ZMYM2: variants seen among roughly 807,000 people sequenced by gnomAD.
ZMYM2 encodes zinc finger MYM-type containing 2.
In ZMYM2, 56 loss-of-function variants were observed where a neutral mutation model predicts 162.8. The observed-to-expected ratio is 0.34, with a 90% confidence interval of 0.28 to 0.43. ZMYM2 has a LOEUF of 0.43. ZMYM2 is among the 20% of genes least tolerant of loss of function. ZMYM2 has a pLI of 1.00. For synonymous variants in ZMYM2, 510 were observed against 541.6 expected, an observed-to-expected ratio of 0.94 and a Z score of 0.81; for missense variants, 1,275 against 1,621.8, an observed-to-expected ratio of 0.79 and a Z score of 3.67.
chr13:20,068,702 T>G (rs1207355658), intron 21 of ZMYM2, among the ~76,000 whole-genome samples: 1 of 152,156 alleles, frequency 6.6e-6, no homozygotes, highest in Middle Eastern at 3.2e-3. Flanking sequence ...GTCTTGGTCC[T>G]CTAGTTTCAG....
chr13:19,867,693 T>C, the ZMYM2 span, among the ~76,000 whole-genome samples: 2 of 152,078 alleles, frequency 1.3e-5, no homozygotes, highest in Admixed American at 6.6e-5. Flanking sequence ...TGGCGCAGTC[T>C]TGGATCACTG....
rs575269759 is a variant in ZMYM2 at position 19,978,473 on chromosome 13, A to G, written c.-10-14590A>G. On this transcript the variant is annotated intron_variant, in intron 2 of 24. Transcript: ENST00000610343. ...CTCTTGTTGCCCAGGCTGGAGGGCA[A>G]TGGTGCAATCTTGGCTCACCACAAC... Among the ~76,000 whole-genome samples, 245 of 151,950 alleles carry G rather than the reference A, an allele frequency of 1.6e-3. 1 individual carries two copies. Among genetic ancestry groups the G allele is most frequent in the African/African-American group, 5.6e-3 (233 of 41,448 alleles).
the ZMYM2 span, among the ~76,000 whole-genome samples, chr13:19,878,478 G>A: frequency 6.8e-6 from 1 of 147,212 alleles, no homozygotes; most frequent in Non-Finnish European, 1.5e-5. Flanking sequence ...TGGCATTCAT[G>A]TATCTTGTTT....
In ZMYM2 at chr13:19,998,139, G is replaced by A. The variant is rs1464926311; in HGVS notation, c.847+4220G>A. Among the ~76,000 whole-genome samples the A allele has an allele frequency of 2.0e-5, 3 of 152,136 alleles. No individual in the cohort carries two copies. In the East Asian group the frequency reaches 5.8e-4, roughly 29 times the overall value. ...TTATTTGTAATAGAGAATAATGGAT[G>A]AAGAGCTATAAAATCTTGGCTATTT... On this transcript the variant is annotated intron_variant, in intron 3 of 24. Coordinates refer to ENST00000610343, the MANE Select transcript of ZMYM2 (RefSeq NM_197968.4).
chr13:20,003,600 C>CCT (rs764627816), intron 4 of ZMYM2, among the ~76,000 whole-genome samples: 172 of 151,748 alleles, frequency 1.1e-3, no homozygotes, highest in Non-Finnish European at 2.1e-3. Flanking sequence ...AAGGCAGGAT[C>CCT]CTCTCTTCTA....
chr13:19,984,064 G>A (rs536085330), intron 2 of ZMYM2, among the ~76,000 whole-genome samples: 7 of 152,232 alleles, frequency 4.6e-5, no homozygotes, highest in African/African-American at 1.7e-4. Context: ...ATTCTTTAAC[G>A]ATACTTAGAA....
At chr13:19,868,175 CA>C in the ZMYM2 span, among the ~76,000 whole-genome samples, 1 of 152,196 alleles carries the variant, frequency 6.6e-6, no homozygotes, top group Non-Finnish European at 1.5e-5. Context: ...TCTTTCTCTC[CA>C]AATAAAATGT....
chr13:19,964,151 T>C (rs937610262), intron 2 of ZMYM2, among the ~76,000 whole-genome samples: 1 of 150,274 alleles, frequency 6.7e-6, no homozygotes. Flanking sequence ...CTGAGGCGGG[T>C]GGATCACCTG....
rs556096245 is a variant in ZMYM2, at chr13:20,035,025, T to C, written c.2119+621T>C. 9.2e-5 allele frequency among the ~76,000 whole-genome samples: 14 copies of C among 152,350 alleles called. 1 individual carries two copies. Among genetic ancestry groups the C allele is most frequent in the African/African-American group, 3.4e-4 (14 of 41,586 alleles). On this transcript the variant is annotated intron_variant, in intron 11 of 24. Coordinates refer to ENST00000610343, the MANE Select transcript of ZMYM2 (RefSeq NM_197968.4). ...AGCTATGGGTTTTGGGGTTGTGTTATTCCTGTTCCCAATGTGACATTCTTG... is the reference window on the plus strand; with the variant it reads ...AGCTATGGGTTTTGGGGTTGTGTTACTCCTGTTCCCAATGTGACATTCTTG...
intron 3 of ZMYM2, among the ~76,000 whole-genome samples, chr13:19,998,034 C>G (rs1330903870): frequency 6.6e-6 from 1 of 152,130 alleles, no homozygotes; most frequent in East Asian, 1.9e-4. Flanking sequence ...TTCCTGTTTA[C>G]TCAAACTCTG....
chr13:19,937,772 G>A, the ZMYM2 span, among the ~76,000 whole-genome samples: 899 of 143,898 alleles, frequency 6.2e-3, 2 homozygotes, highest in Middle Eastern at 0.01. Context: ...ATATCTCCTA[G>A]TGCTATCCCT....
chr13:19,927,611 T>C, the ZMYM2 span, among the ~76,000 whole-genome samples: 1 of 152,352 alleles, frequency 6.6e-6, no homozygotes, highest in African/African-American at 2.4e-5. Context: ...TTGAATATTC[T>C]TGTAGTCTTT....
In ZMYM2 at chr13:20,066,295, C is replaced by G. The variant is rs1421468607; in HGVS notation, c.3133-556C>G. Among the ~76,000 whole-genome samples the G allele has an allele frequency of 2.6e-5, 4 of 152,062 alleles. No homozygotes were observed. In the South Asian group the frequency reaches 8.3e-4, roughly 32 times the overall value. ...GGCTCTGATCCCCCCTGCACAGTCA[C>G]AAATTTGTGTATAACTTTTGACTCC... On this transcript the variant is annotated intron_variant, in intron 19 of 24. Transcript: ENST00000610343.
chr13:20,036,774 T>C lies in ZMYM2; in HGVS notation c.2157T>C (p.Arg719=). 2 of 1,591,492 alleles carry C rather than the reference T, an allele frequency of 1.3e-6. No individual in the cohort carries two copies. Among genetic ancestry groups the C allele is most frequent in the Non-Finnish European group, 1.7e-6 (2 of 1,168,978 alleles). Residue 719 remains arginine (R), a synonymous_variant, in exon 12 of 25, where the codon CGT becomes CGC. Coordinates refer to ENST00000610343, the MANE Select transcript of ZMYM2 (RefSeq NM_197968.4). ...KLLYKQDFAR[R]LGLRCVTCNY... Reference sequence around the variant, plus strand: ...TATACAAACAGGATTTTGCCAGACGTTTAGGATTGAGATGTGTTACTTGCA... The same window carrying C: ...TATACAAACAGGATTTTGCCAGACGCTTAGGATTGAGATGTGTTACTTGCA...
intron 12 of ZMYM2, among the ~76,000 whole-genome samples, chr13:20,039,648 G>T (rs1954055491): frequency 6.6e-6 from 1 of 151,704 alleles, no homozygotes; most frequent in African/African-American, 2.4e-5. Flanking sequence ...TAATTTTTTT[G>T]TGTGTTTTTA....
At position 19,962,513 on chromosome 13, in the gene ZMYM2, ATATTTTTTTTTTT is replaced by A. The variant is rs1337434198; in HGVS notation, c.-11+2489_-11+2501del. 1.2e-4 allele frequency among the ~76,000 whole-genome samples: 7 copies of A among 59,098 alleles called. No homozygotes were observed. In the East Asian group the frequency reaches 3.6e-3, roughly 31 times the overall value. 38.8% of individuals were successfully genotyped at this position (59,098 alleles called of 152,430 possible). On this transcript the variant is annotated intron_variant, in intron 2 of 24. Transcript: ENST00000610343. ...TTGCATGGGATATATATATATATAT[ATATTTTTTTTTTT>A]TTTTTTTTTTTTTTTGAGATGGAGT...
chr13:20,020,077 TC>T (rs1425275350), intron 7 of ZMYM2: 1 of 154,698 alleles, frequency 6.5e-6, no homozygotes, highest in Admixed American at 6.4e-5. Flanking sequence ...AGTACAGTTA[TC>T]AAGATAATGA....
chr13:19,993,997 G>A lies in ZMYM2; in HGVS notation c.847+78G>A, dbSNP rs1394481775. 2.7e-6 allele frequency: 4 copies of A among 1,456,446 alleles called. No homozygotes were observed. The African/African-American group carries it at 4.3e-5, about 16-fold the overall frequency. The allele number at this position is 1,456,446 out of a possible 1,614,324, so 90.2% of individuals were successfully genotyped here. ...GCTGCTTTTTTCATTGTAGTAACTGGTATTACCTTGTTTAGTTTCATCATG... is the reference window on the plus strand; with the variant it reads ...GCTGCTTTTTTCATTGTAGTAACTGATATTACCTTGTTTAGTTTCATCATG... On this transcript the variant is annotated intron_variant, in intron 3 of 24. Transcript: ENST00000610343.
intron 3 of ZMYM2, among the ~76,000 whole-genome samples, chr13:19,997,478 C>G (rs1293469361): frequency 6.6e-6 from 1 of 151,994 alleles, no homozygotes; most frequent in Non-Finnish European, 1.5e-5. Flanking sequence ...TTTCTTGTTA[C>G]TTCTAAAACT....
Sources: gnomAD v4.1 joint callset for allele counts (sites outside exome capture counted in the v4.1 genomes callset) on GRCh38, gnomAD v4.1.1 for gene constraint, MANE v1.5 for transcripts, NCBI Gene and HGNC (gene_info 2026-07-23, HGNC 2026-07-21) for gene names.